The following IQCM variants were observed in gnomAD, a reference collection of about 807,000 sequenced individuals.
IQCM encodes IQ domain-containing protein M.
Under a neutral mutation model 57.6 loss-of-function variants are expected in IQCM, and 45 were observed. The observed-to-expected ratio is 0.78, with a 90% CI of 0.62 to 1.00. The LOEUF is 1.00. IQCM is among the 50% of genes least tolerant of loss of function. IQCM has a pLI of 0.00. For synonymous variants in IQCM, 148 were observed against 158.9 expected (o/e 0.93, Z 0.51); for missense variants, 468 against 511.6 (o/e 0.91, Z 0.82).
chr4:149,470,731 C>T (rs1739432243), intron 12 of IQCM, among the ~76,000 whole-genome samples: 2 of 152,162 alleles, frequency 1.3e-5, no homozygotes, highest in Non-Finnish European at 2.9e-5. Context: ...AAGTAAAGCA[C>T]TCCTCAGCAA....
At chr4:149,672,374 C>T (rs1386398408) in intron 7 of IQCM, among the ~76,000 whole-genome samples, 1 of 152,030 alleles carries the variant, frequency 6.6e-6, no homozygotes, top group Non-Finnish European at 1.5e-5. Context: ...AGCTAAAAAC[C>T]TTGAAAAAAG....
intron 13 of IQCM, among the ~76,000 whole-genome samples, chr4:149,392,157 A>T (rs1731905664): frequency 6.7e-6 from 1 of 149,572 alleles, no homozygotes; most frequent in Non-Finnish European, 1.5e-5. Flanking sequence ...TTGGGAGTCC[A>T]TTAGTAGGTT....
chr4:149,474,962 G>A (rs1740022035), intron 12 of IQCM, among the ~76,000 whole-genome samples: 1 of 152,024 alleles, frequency 6.6e-6, no homozygotes, highest in African/African-American at 2.4e-5. Context: ...GTGGTTTGGG[G>A]GCCAGATAAT....
At chr4:149,625,662 G>A (rs894599158) in intron 7 of IQCM, among the ~76,000 whole-genome samples, 4 of 152,160 alleles carry the variant, frequency 2.6e-5, no homozygotes, top group South Asian at 2.1e-4. Context: ...GAGTCTTCAG[G>A]AGGGAAGGGA....
At chr4:149,515,122 G>A (rs1744823819) in intron 12 of IQCM, among the ~76,000 whole-genome samples, 1 of 150,194 alleles carries the variant, frequency 6.7e-6, no homozygotes, top group Admixed American at 6.7e-5. Context: ...GCGCCCATAG[G>A]TGAATCACAG....
At chr4:149,392,251 G>T (rs1001474087) in intron 13 of IQCM, among the ~76,000 whole-genome samples, 4 of 151,622 alleles carry the variant, frequency 2.6e-5, no homozygotes, top group South Asian at 2.1e-4. Flanking sequence ...TGAAATTCCT[G>T]TAAGTGATTC....
chr4:149,720,013 G>C lies in IQCM; in HGVS notation c.385+13231C>G, dbSNP rs527308357. On this transcript the variant is annotated intron_variant, in intron 5 of 13. Coordinates refer to ENST00000636793, the MANE Select transcript of IQCM (RefSeq NM_001363507.2). ...CTACTGCTCTCATTTCACTTCCTCA[G>C]AAGAGGTGGTATTATTTACACCCAC... is the stretch of plus-strand genomic sequence containing the variant. Among the ~76,000 whole-genome samples the C allele has an allele frequency of 2.6e-5, 4 of 152,300 alleles. No individual in the cohort carries two copies. The East Asian group carries it at 7.7e-4, about 29-fold the overall frequency.
At chr4:149,642,860 C>T (rs1758313945) in intron 7 of IQCM, among the ~76,000 whole-genome samples, 1 of 151,952 alleles carries the variant, frequency 6.6e-6, no homozygotes, top group Non-Finnish European at 1.5e-5. Context: ...AGAGAGAAAA[C>T]GTACATTACT....
chr4:149,382,056 T>C (rs1028502339), intron 13 of IQCM, among the ~76,000 whole-genome samples: 11 of 152,142 alleles, frequency 7.2e-5, no homozygotes, highest in Non-Finnish European at 2.9e-5. Flanking sequence ...TGAGCCATCG[T>C]GCCTGGCCCT....
intron 8 of IQCM, among the ~76,000 whole-genome samples, chr4:149,592,683 A>G (rs952106139): frequency 2.0e-5 from 3 of 151,532 alleles, no homozygotes; most frequent in Non-Finnish European, 4.4e-5. Context: ...TAGGCTAGCC[A>G]GTTTTCCCAG....
At chr4:149,596,973 A>C (rs1753834389) in intron 8 of IQCM, among the ~76,000 whole-genome samples, 1 of 152,170 alleles carries the variant, frequency 6.6e-6, no homozygotes, top group African/African-American at 2.4e-5. Context: ...TCAAGGAATC[A>C]GAACCTACAT....
intron 12 of IQCM, among the ~76,000 whole-genome samples, chr4:149,514,303 G>A (rs1744718817): frequency 6.6e-6 from 1 of 152,140 alleles, no homozygotes; most frequent in African/African-American, 2.4e-5. Context: ...AATTGTGAAA[G>A]AACATGCTAA....
Position 149,368,865 on chromosome 4 carries a change from T to TAC in IQCM, c.1391-16801_1391-16800dup, listed in dbSNP as rs1206722087. On this transcript the variant is annotated intron_variant, in intron 13 of 13. Transcript: ENST00000636793. Reference sequence around the variant, plus strand: ...ATACATATATATACATGTATATATATACATATATACACGTGTATATATATG... The same window carrying TAC: ...ATACATATATATACATGTATATATATACACATATATACACGTGTATATATATG... Among the ~76,000 whole-genome samples, 11 of 83,276 alleles carry TAC rather than the reference T, an allele frequency of 1.3e-4. 3 individuals carry two copies. Among genetic ancestry groups the TAC allele is most frequent in the African/African-American group, 3.3e-4 (7 of 21,448 alleles). The allele number at this position is 83,276 out of a possible 152,430, so 54.6% of individuals were successfully genotyped here. A position where few individuals can be genotyped will look rare whatever the true frequency, so the allele number is the denominator to read the frequency against.
intron 12 of IQCM, among the ~76,000 whole-genome samples, chr4:149,525,747 T>C (rs893281874): frequency 6.6e-6 from 1 of 151,816 alleles, no homozygotes; most frequent in African/African-American, 2.4e-5. Context: ...AAAGTGTAAA[T>C]ATACACTAAC....
chr4:149,777,641 A>T (rs1206289159), intron 2 of IQCM, among the ~76,000 whole-genome samples: 1 of 152,206 alleles, frequency 6.6e-6, no homozygotes, highest in African/African-American at 2.4e-5. Context: ...CTCCTCAAGA[A>T]TATAGAAATA....
chr4:149,622,447 G>A lies in IQCM; in HGVS notation c.566-1203C>T, dbSNP rs985089221. Among the ~76,000 whole-genome samples the A allele has an allele frequency of 9.9e-5, 15 of 150,854 alleles. 1 individual carries two copies. The highest frequency in any genetic ancestry group is 2.0e-4 in the East Asian group (1 of 5,094). ...AAGCTCTGCCTCCCAGGTTCACGCCGTTCTCCTGCCTCAGCCTCCTGAGTA... is the reference window on the plus strand; with the variant it reads ...AAGCTCTGCCTCCCAGGTTCACGCCATTCTCCTGCCTCAGCCTCCTGAGTA... On this transcript the variant is annotated intron_variant, in intron 7 of 13. Coordinates refer to ENST00000636793, the MANE Select transcript of IQCM (RefSeq NM_001363507.2).
chr4:149,623,916 G>A (rs1047433197), intron 7 of IQCM, among the ~76,000 whole-genome samples: 1 of 152,126 alleles, frequency 6.6e-6, no homozygotes, highest in African/African-American at 2.4e-5. Context: ...GGTCACATCA[G>A]TTTAACAAGG....
At chr4:149,537,324 T>C (rs1277483347) in intron 12 of IQCM, among the ~76,000 whole-genome samples, 1 of 151,284 alleles carries the variant, frequency 6.6e-6, no homozygotes, top group African/African-American at 2.4e-5. Flanking sequence ...AGTAATGAAA[T>C]AAGAAAAATT....
intron 10 of IQCM, among the ~76,000 whole-genome samples, chr4:149,554,702 C>A (rs1277284933): frequency 2.3e-5 from 1 of 44,180 alleles, no homozygotes; most frequent in Non-Finnish European, 4.4e-5. Flanking sequence ...CTTTTCTTTT[C>A]TTTCTTTTTT....
Sources: allele counts gnomAD v4.1 joint callset (sites outside exome capture counted in the v4.1 genomes callset), GRCh38; gene constraint gnomAD v4.1.1; transcripts MANE v1.5; gene names NCBI Gene and HGNC (gene_info 2026-07-23, HGNC 2026-07-21).